Variants in FOXN2 observed in about 807,000 individuals in gnomAD.
The protein encoded by FOXN2 is forkhead box protein N2.
A neutral mutation model predicts 41.2 loss-of-function variants in FOXN2; 19 were observed. The ratio of observed to expected loss-of-function variants is 0.46; its 90% confidence interval spans 0.32 to 0.68. FOXN2 has a LOEUF of 0.68. Among genes scored for constraint, FOXN2 ranks in the 30% least tolerant of loss-of-function variants. The probability of loss-of-function intolerance (pLI) is 0.03; values close to 1 mark genes in which losing one functional copy is unlikely to be tolerated. For missense variants in FOXN2, 587 were observed against 509.4 expected, an observed-to-expected ratio of 1.15 and a Z score of -1.47; for synonymous variants, 195 against 176.8, an observed-to-expected ratio of 1.10 and a Z score of -0.82.
chr2:48,347,457 G>C (rs1194114890), intron 3 of FOXN2, among the ~76,000 whole-genome samples: 1 of 151,742 alleles, frequency 6.6e-6, no homozygotes, highest in African/African-American at 2.4e-5. Flanking sequence ...TGGAACTCCT[G>C]ACCTCAAGTA....
upstream of FOXN2, among the ~76,000 whole-genome samples, chr2:48,314,397 T>C (rs955871852): frequency 8.5e-5 from 13 of 152,300 alleles, no homozygotes; most frequent in African/African-American, 3.1e-4. Context: ...CTACAGCGCC[T>C]CCACCCTGCT....
chr2:48,324,904 G>T (rs1228732599), intron 1 of FOXN2, among the ~76,000 whole-genome samples: 4 of 152,216 alleles, frequency 2.6e-5, no homozygotes, highest in Admixed American at 6.5e-5. Context: ...GAATTATGTG[G>T]AGGAGTTGTC....
chr2:48,341,026 C>T (rs971817553), intron 2 of FOXN2, among the ~76,000 whole-genome samples: 15 of 152,068 alleles, frequency 9.9e-5, no homozygotes, highest in Admixed American at 2.0e-4. Flanking sequence ...TAGTTATACT[C>T]CTAAAAATTA....
chr2:48,369,245 G>C (rs1672728497), intron 5 of FOXN2, among the ~76,000 whole-genome samples: 1 of 152,128 alleles, frequency 6.6e-6, no homozygotes. Flanking sequence ...TTTGTTAAAA[G>C]AAGTGAAGTT....
At chr2:48,362,542 C>G in intron 4 of FOXN2, 101 bp from the exon 5 acceptor site, 1 of 965,448 alleles carries the variant, frequency 1.0e-6, no homozygotes, top group South Asian at 1.5e-5. Context: ...GCACTCCAGC[C>G]TGGGCGGCCA....
At chr2:48,324,907 G>A (rs1271581183) in intron 1 of FOXN2, among the ~76,000 whole-genome samples, 1 of 152,200 alleles carries the variant, frequency 6.6e-6, no homozygotes, top group Non-Finnish European at 1.5e-5. Context: ...TTATGTGGAG[G>A]AGTTGTCGTT....
chr2:48,368,500 A>G (rs1187259605), intron 5 of FOXN2, among the ~76,000 whole-genome samples: 1 of 151,952 alleles, frequency 6.6e-6, no homozygotes, highest in Non-Finnish European at 1.5e-5. Context: ...CCCCATCTCT[A>G]GGGCAACATG....
chr2:48,346,546 C>T lies in FOXN2; in HGVS notation c.332C>T (p.Ser111Leu), dbSNP rs1273031003. 12 of 1,613,530 alleles carry T rather than the reference C, an allele frequency of 7.4e-6. No homozygotes were observed. The highest frequency in any genetic ancestry group is 1.0e-5 in the Non-Finnish European group (12 of 1,179,796). Residue 111 changes from serine to leucine, a missense_variant, in exon 3 of 7, where the codon TCA (serine) becomes TTA (leucine). Ser to Leu is a moderately radical substitution (Grantham distance 145). Transcript: ENST00000340553. ...AACCCAGAAAAAAAATCAGCGACTT[C>T]AAAGCCCCCATACTCCTTTAGTCTT... is the stretch of plus-strand genomic sequence containing the variant. The part of the protein sequence containing the change: ...YQNPEKKSAT[S>L]KPPYSFSLLI...
chr2:48,327,706 A>G (rs1349198462), intron 1 of FOXN2, among the ~76,000 whole-genome samples: 2 of 152,196 alleles, frequency 1.3e-5, no homozygotes, highest in Non-Finnish European at 2.9e-5. Context: ...TGGCCTCCCA[A>G]AGTGCTGGGA....
At chr2:48,324,275 A>C (rs1460808026) in intron 1 of FOXN2, among the ~76,000 whole-genome samples, 1 of 148,688 alleles carries the variant, frequency 6.7e-6, no homozygotes, top group East Asian at 2.0e-4. Context: ...GCTCACTGCA[A>C]CCTCCTCCTC....
At chr2:48,369,213 G>A (rs963312371) in intron 5 of FOXN2, among the ~76,000 whole-genome samples, 8 of 152,132 alleles carry the variant, frequency 5.3e-5, no homozygotes, top group Non-Finnish European at 1.2e-4. Flanking sequence ...TCAAAATAAT[G>A]TTCCTTGAAT....
rs774374122 is a variant in FOXN2 at position 48,359,000 on chromosome 2, T to C, written c.538-47T>C. 2.9e-5 allele frequency: 40 copies of C among 1,383,150 alleles called. No individual in the cohort carries two copies. In the Admixed American group the frequency reaches 4.1e-4, roughly 14 times the overall value. 85.7% of individuals were successfully genotyped at this position (1,383,150 alleles called of 1,614,324 possible). On this transcript the variant is annotated intron_variant, in intron 3 of 6. Coordinates refer to ENST00000340553, the MANE Select transcript of FOXN2 (RefSeq NM_002158.4). Reference sequence around the variant, plus strand: ...TTATTTAAAACATTTAGACGCTGACTGTTTATGTATAAAAGTTCCTAGTTA... The same window carrying C: ...TTATTTAAAACATTTAGACGCTGACCGTTTATGTATAAAAGTTCCTAGTTA...
intron 1 of FOXN2, among the ~76,000 whole-genome samples, chr2:48,328,087 A>C (rs1669799166): frequency 6.6e-6 from 1 of 152,252 alleles, no homozygotes; most frequent in Non-Finnish European, 1.5e-5. Flanking sequence ...ATACTGCATG[A>C]CTATGACTTA....
chr2:48,350,382 T>G (rs1157289474), intron 3 of FOXN2, among the ~76,000 whole-genome samples: 1 of 152,248 alleles, frequency 6.6e-6, no homozygotes, highest in Non-Finnish European at 1.5e-5. Flanking sequence ...GCAGATTTTC[T>G]GCCTTTCTTC....
At chr2:48,341,984 C>G (rs980367061) in intron 2 of FOXN2, among the ~76,000 whole-genome samples, 1 of 152,084 alleles carries the variant, frequency 6.6e-6, no homozygotes, top group South Asian at 2.1e-4. Context: ...AAGTCCATGA[C>G]CTTTTTAAGA....
chr2:48,335,754 A>T (rs1335585514), intron 2 of FOXN2, among the ~76,000 whole-genome samples: 3 of 152,206 alleles, frequency 2.0e-5, no homozygotes, highest in Non-Finnish European at 4.4e-5. Context: ...TTGGCTGGGC[A>T]CGGTGGCTCA....
At chr2:48,371,240 A>G (rs1427894808) in intron 5 of FOXN2, among the ~76,000 whole-genome samples, 1 of 152,128 alleles carries the variant, frequency 6.6e-6, no homozygotes, top group Non-Finnish European at 1.5e-5. Flanking sequence ...TCTACTAAAA[A>G]CACAAAAATT....
intron 2 of FOXN2, among the ~76,000 whole-genome samples, chr2:48,329,265 TAGA>T (rs1449232569): frequency 1.3e-5 from 2 of 152,182 alleles, no homozygotes; most frequent in Admixed American, 6.5e-5. Context: ...AATATTTAAA[TAGA>T]AGTAGCATCT....
At chr2:48,363,736 A>C (rs1271089552) in intron 5 of FOXN2, among the ~76,000 whole-genome samples, 1 of 152,222 alleles carries the variant, frequency 6.6e-6, no homozygotes, top group Admixed American at 6.5e-5. Context: ...TTTGTGATAC[A>C]ATTACCTATA....
Sources: gnomAD v4.1 joint callset for allele counts (sites outside exome capture counted in the v4.1 genomes callset) on GRCh38, gnomAD v4.1.1 for gene constraint, MANE v1.5 for transcripts, NCBI Gene and HGNC (gene_info 2026-07-23, HGNC 2026-07-21) for gene names.